The following LTBP1 variants were observed in gnomAD, a reference collection of about 807,000 sequenced individuals.
LTBP1 encodes latent transforming growth factor beta binding protein 1, also known as latent-transforming growth factor beta-binding protein 1.
Under a neutral mutation model 207.6 loss-of-function variants are expected in LTBP1, and 129 were observed. The observed-to-expected ratio is 0.62, with a 90% CI of 0.54 to 0.72. The LOEUF (loss-of-function observed/expected upper bound fraction) is 0.72. LTBP1 is among the 30% of genes least tolerant of loss of function. The probability of loss-of-function intolerance (pLI) is 0.00; values close to 1 mark genes in which losing one functional copy is unlikely to be tolerated. For synonymous variants in LTBP1, 963 were observed against 833.7 expected (o/e 1.16, Z -2.67); for missense variants, 2,281 against 2,217.2 (o/e 1.03, Z -0.58).
intron 4 of LTBP1, among the ~76,000 whole-genome samples, chr2:33,127,356 G>A (rs111420405): frequency 3.3e-5 from 5 of 152,176 alleles, no homozygotes; most frequent in South Asian, 2.1e-4. Context: ...GAAGCCTGAG[G>A]CATTCAACTC....
intron 16 of LTBP1, 92 bp from the exon 17 acceptor site, chr2:33,274,873 C>G: frequency 7.9e-7 from 1 of 1,273,594 alleles, no homozygotes; most frequent in Non-Finnish European, 1.1e-6. Context: ...TTGGGTGGTA[C>G]CCAGGGAATA....
chr2:33,352,970 CTTTTTTTTTTTTT>C (rs61357622), intron 26 of LTBP1, among the ~76,000 whole-genome samples: 4 of 93,216 alleles, frequency 4.3e-5, no homozygotes, highest in African/African-American at 4.8e-5. Flanking sequence ...GTAAGCCTTT[CTTTTTTTTTTTTT>C]TTTTTTTTTT....
At chr2:32,998,684 G>C (rs1232248393) in intron 2 of LTBP1, among the ~76,000 whole-genome samples, 1 of 152,102 alleles carries the variant, frequency 6.6e-6, no homozygotes, top group Non-Finnish European at 1.5e-5. Flanking sequence ...CGTTAGGTGA[G>C]GTACTGCAGG....
intron 9 of LTBP1, among the ~76,000 whole-genome samples, chr2:33,228,928 C>T (rs573479638): frequency 2.6e-5 from 4 of 151,750 alleles, no homozygotes; most frequent in Admixed American, 2.0e-4. Flanking sequence ...TTTGATCTCC[C>T]AACCTTCTGA....
chr2:32,956,766 C>T (rs1392622598), intron 2 of LTBP1, among the ~76,000 whole-genome samples: 1 of 152,170 alleles, frequency 6.6e-6, no homozygotes, highest in African/African-American at 2.4e-5. Context: ...AGAGGAATCA[C>T]TATCTATGAC....
intron 10 of LTBP1, among the ~76,000 whole-genome samples, chr2:33,246,527 GC>G (rs2092518692): frequency 6.6e-6 from 1 of 152,062 alleles, no homozygotes; most frequent in Non-Finnish European, 1.5e-5. Flanking sequence ...CACAGTGGTT[GC>G]TAAATGTTTG....
chr2:33,134,823 T>C lies in LTBP1; in HGVS notation c.1064T>C (p.Val355Ala). The C allele has an allele frequency of 1.2e-6, 2 of 1,614,150 alleles. No individual in the cohort carries two copies. The highest frequency in any genetic ancestry group is 1.7e-5 in the Admixed American group (1 of 60,018). The change falls in exon 5 of 34, where the codon GTC (valine) becomes GCC (alanine). Residue 355 changes from valine to alanine, a missense_variant. Val to Ala is a moderately conservative substitution (Grantham distance 64, BLOSUM62 0). Coordinates refer to ENST00000404816, the MANE Select transcript of LTBP1 (RefSeq NM_206943.4). This position sits in a 1 kb window ranked among gnomAD's most constrained non-coding sequence, Gnocchi z 4.4. ...LSNHTGRIKV[V>A]FTPSICKVTC... ...AACCACACTGGCCGCATCAAGGTGG[T>C]CTTTACTCCGAGCATCTGTAAAGTG...
At chr2:33,133,784 A>G (rs962482461) in intron 4 of LTBP1, among the ~76,000 whole-genome samples, 2 of 152,218 alleles carry the variant, frequency 1.3e-5, no homozygotes, top group African/African-American at 4.8e-5. Context: ...GTTGAAAGTT[A>G]GAAGTGTGTA....
Position 32,981,880 on chromosome 2 carries a change from G to C in LTBP1, c.565+32935G>C, listed in dbSNP as rs117293253. 6.4e-4 allele frequency among the ~76,000 whole-genome samples: 98 copies of C among 152,304 alleles called. 2 individuals are homozygous for C. In the East Asian group the frequency reaches 0.017, roughly 26 times the overall value. On this transcript the variant is annotated intron_variant, in intron 2 of 33. Coordinates refer to ENST00000404816, the MANE Select transcript of LTBP1 (RefSeq NM_206943.4). ...TTTGCCTCCCCAGTCATGTGGAACT[G>C]TGAGTCCATTAAACCTGTTTTATAA...
intron 15 of LTBP1, among the ~76,000 whole-genome samples, chr2:33,272,341 G>A (rs974599171): frequency 2.6e-5 from 4 of 152,190 alleles, no homozygotes; most frequent in African/African-American, 9.7e-5. Flanking sequence ...TAACAAAGCT[G>A]TGCTCCTAGG....
chr2:33,340,921 T>C (rs2094611381), intron 24 of LTBP1, among the ~76,000 whole-genome samples: 1 of 152,238 alleles, frequency 6.6e-6, no homozygotes, highest in Non-Finnish European at 1.5e-5. Flanking sequence ...CTTTGTGACA[T>C]TTTGCAGTGA....
Position 33,134,756 on chromosome 2 carries a change from T to C in LTBP1, c.1034-37T>C, listed in dbSNP as rs1228202999. 1 of 1,613,996 alleles carries C rather than the reference T, an allele frequency of 6.2e-7. No individual in the cohort carries two copies. Among genetic ancestry groups the C allele is most frequent in the East Asian group, 2.2e-5 (1 of 44,882 alleles). On this transcript the variant is annotated intron_variant, in intron 4 of 33. Coordinates refer to ENST00000404816, the MANE Select transcript of LTBP1 (RefSeq NM_206943.4). The surrounding 1 kb of genome is among the most constrained non-coding windows in gnomAD (Gnocchi z 4.4). The stretch of plus-strand genomic sequence containing the variant: ...CAAGTTCATGGATACTAAGCTGATG[T>C]GTTTGTTGTTCTTTTTCTCCCTGCC...
intron 18 of LTBP1, among the ~76,000 whole-genome samples, chr2:33,279,677 C>T (rs561623500): frequency 1.3e-5 from 2 of 152,322 alleles, no homozygotes; most frequent in African/African-American, 4.8e-5. Flanking sequence ...CTTCCTCACA[C>T]TCACCCCCAT....
chr2:33,088,067 C>T (rs780513484), intron 3 of LTBP1, among the ~76,000 whole-genome samples: 14 of 152,210 alleles, frequency 9.2e-5, no homozygotes, highest in Admixed American at 7.2e-4. Context: ...AAGCACCAGG[C>T]ATGTCAAGTG....
chr2:33,378,037 TTA>T (rs1381008632), intron 31 of LTBP1, among the ~76,000 whole-genome samples: 3 of 152,180 alleles, frequency 2.0e-5, no homozygotes, highest in Non-Finnish European at 4.4e-5. Context: ...GCAATCATAT[TTA>T]TCTCAAAAGT....
chr2:33,002,869 G>A (rs1686244298), intron 2 of LTBP1, among the ~76,000 whole-genome samples: 1 of 151,990 alleles, frequency 6.6e-6, no homozygotes, highest in South Asian at 2.1e-4. Flanking sequence ...GTACATGTGG[G>A]GTTTCACTGT....
chr2:33,173,744 C>G (rs1017982062), intron 5 of LTBP1, among the ~76,000 whole-genome samples: 44 of 145,892 alleles, frequency 3.0e-4, no homozygotes, highest in African/African-American at 1.1e-3. Context: ...AACATTGATG[C>G]AAAAATCCTC....
At chr2:33,024,768 G>A (rs1460840705) in intron 3 of LTBP1, among the ~76,000 whole-genome samples, 1 of 152,168 alleles carries the variant, frequency 6.6e-6, no homozygotes, top group Non-Finnish European at 1.5e-5. Context: ...TGTGAGGCTA[G>A]GTAGCCTGGC....
intron 3 of LTBP1, among the ~76,000 whole-genome samples, chr2:33,082,798 ATTC>A (rs2078523005): frequency 6.6e-6 from 1 of 152,034 alleles, no homozygotes; most frequent in Admixed American, 6.5e-5. Context: ...GCATCTCTTT[ATTC>A]TTCTTTTGAG....
Sources: allele counts gnomAD v4.1 joint callset (sites outside exome capture counted in the v4.1 genomes callset), GRCh38; gene constraint gnomAD v4.1.1; non-coding constraint Gnocchi (gnomAD v3.1); transcripts MANE v1.5; gene names NCBI Gene and HGNC (gene_info 2026-07-23, HGNC 2026-07-21).